Variants in SPMIP2 observed in about 807,000 individuals in gnomAD.
The protein encoded by SPMIP2 is protein SPMIP2.
chr4:159,054,224 C>A, the SPMIP2 span, among the ~76,000 whole-genome samples: 3 of 152,120 alleles, frequency 2.0e-5, no homozygotes, highest in Non-Finnish European at 2.9e-5. Context: ...CTCAGGTGAA[C>A]CTCCCGCCTT....
chr4:159,051,339 G>C, the SPMIP2 span, among the ~76,000 whole-genome samples: 5 of 152,018 alleles, frequency 3.3e-5, no homozygotes, highest in Admixed American at 1.3e-4. Flanking sequence ...TGGACTTTTG[G>C]GGGGAGCTTC....
At chr4:158,972,926 C>A in the SPMIP2 span, among the ~76,000 whole-genome samples, 2 of 152,338 alleles carry the variant, frequency 1.3e-5, no homozygotes, top group South Asian at 4.1e-4. Context: ...GGAGCACATG[C>A]ATTTATTCAC....
At chr4:158,958,691 AG>A in the SPMIP2 span, among the ~76,000 whole-genome samples, 3 of 152,200 alleles carry the variant, frequency 2.0e-5, no homozygotes, top group South Asian at 6.2e-4. Context: ...GCCACCTTAG[AG>A]AATGCAAAGG....
the SPMIP2 span, chr4:159,035,031 A>G: frequency 5.0e-6 from 8 of 1,610,708 alleles, no homozygotes; most frequent in South Asian, 8.8e-5. Context: ...AAAACTATTT[A>G]CCTGTAAAAA....
chr4:158,920,443 T>C, the SPMIP2 span, among the ~76,000 whole-genome samples: 3 of 152,156 alleles, frequency 2.0e-5, no homozygotes, highest in Admixed American at 6.5e-5. Flanking sequence ...GCTAAATTCT[T>C]TTCCTAGCAA....
the SPMIP2 span, among the ~76,000 whole-genome samples, chr4:158,931,666 G>A: frequency 6.6e-6 from 1 of 152,078 alleles, no homozygotes; most frequent in Non-Finnish European, 1.5e-5. Context: ...AGACTCAGGT[G>A]ATTCTTGTAC....
the SPMIP2 span, among the ~76,000 whole-genome samples, chr4:158,964,303 A>G: frequency 6.6e-6 from 1 of 152,192 alleles, no homozygotes; most frequent in Non-Finnish European, 1.5e-5. Context: ...CTCTACAACC[A>G]TGAGGAACTG....
the SPMIP2 span, among the ~76,000 whole-genome samples, chr4:158,951,135 C>T: frequency 6.6e-6 from 1 of 152,130 alleles, no homozygotes; most frequent in African/African-American, 2.4e-5. Context: ...AGGTGCCAGA[C>T]TTTTATTTAT....
chr4:159,010,553 T>C, the SPMIP2 span, among the ~76,000 whole-genome samples: 6 of 152,214 alleles, frequency 3.9e-5, no homozygotes, highest in Non-Finnish European at 7.3e-5. Context: ...TTTCAGGCGT[T>C]CATGTAACAA....
the SPMIP2 span, among the ~76,000 whole-genome samples, chr4:158,979,335 C>CT: frequency 2.0e-5 from 3 of 152,326 alleles, no homozygotes; most frequent in South Asian, 6.2e-4. Flanking sequence ...GGCTCCCTGG[C>CT]TTCAGCCTCC....
chr4:158,965,101 GT>G, the SPMIP2 span, among the ~76,000 whole-genome samples: 2 of 151,920 alleles, frequency 1.3e-5, no homozygotes, highest in African/African-American at 4.8e-5. Context: ...GAAAAGGCAT[GT>G]TTTTCAATGC....
the SPMIP2 span, among the ~76,000 whole-genome samples, chr4:158,935,430 GT>G: frequency 1.1e-4 from 16 of 152,282 alleles, no homozygotes; most frequent in East Asian, 3.1e-3. Context: ...GGGTAGTCAT[GT>G]TGACTCCTTC....
At chr4:158,940,769 G>C in the SPMIP2 span, among the ~76,000 whole-genome samples, 3 of 152,228 alleles carry the variant, frequency 2.0e-5, 1 homozygote, top group East Asian at 5.8e-4. Flanking sequence ...AATGTTCATG[G>C]ATACATATGT....
chr4:159,024,711 C>T, the SPMIP2 span, among the ~76,000 whole-genome samples: 175 of 152,300 alleles, frequency 1.1e-3, 4 homozygotes, highest in South Asian at 0.022. Flanking sequence ...GAATTCCAAA[C>T]TTGGCCATTC....
At chr4:158,969,610 GTTA>G in the SPMIP2 span, among the ~76,000 whole-genome samples, 1 of 152,298 alleles carries the variant, frequency 6.6e-6, no homozygotes, top group Middle Eastern at 3.4e-3. Context: ...CAGCATGGAA[GTTA>G]TTATCTTCCT....
the SPMIP2 span, among the ~76,000 whole-genome samples, chr4:159,031,676 A>G: frequency 4.1e-4 from 63 of 152,358 alleles, no homozygotes; most frequent in Admixed American, 3.7e-3. Context: ...GAATATGTTC[A>G]TATTTTTTCA....
At chr4:159,062,431 C>T in the SPMIP2 span, among the ~76,000 whole-genome samples, 1 of 152,030 alleles carries the variant, frequency 6.6e-6, no homozygotes, top group African/African-American at 2.4e-5. Flanking sequence ...AACTATGCCC[C>T]CTTTTCAGGT....
chr4:159,041,883 C>G, the SPMIP2 span, among the ~76,000 whole-genome samples: 1 of 152,222 alleles, frequency 6.6e-6, no homozygotes, highest in African/African-American at 2.4e-5. Flanking sequence ...CCCTGATTCA[C>G]GAAGAGGTGA....
At chr4:159,028,007 G>C in the SPMIP2 span, among the ~76,000 whole-genome samples, 4 of 152,130 alleles carry the variant, frequency 2.6e-5, no homozygotes, top group Non-Finnish European at 5.9e-5. Flanking sequence ...GTAGGTATAT[G>C]ATGGCTGACT....
Sources: allele counts gnomAD v4.1 joint callset (sites outside exome capture counted in the v4.1 genomes callset), GRCh38; gene constraint gnomAD v4.1.1; transcripts MANE v1.5; gene names NCBI Gene and HGNC (gene_info 2026-07-23, HGNC 2026-07-21).